The following TTC17 variants were observed in gnomAD, a reference collection of about 807,000 sequenced individuals.
TTC17 encodes the protein tetratricopeptide repeat domain 17.
In TTC17, 58 loss-of-function variants were observed where a neutral mutation model predicts 143.8. The ratio of observed to expected loss-of-function variants is 0.40; its 90% CI spans 0.33 to 0.50. The LOEUF (loss-of-function observed/expected upper bound fraction) is 0.50, where lower values mean the gene tolerates loss of function less well. Among genes scored for constraint, TTC17 ranks in the 20% least tolerant of loss-of-function variants. The pLI is 0.49. For missense variants in TTC17, 1,273 were observed against 1,392.5 expected (o/e 0.91, Z 1.37); for synonymous variants, 501 against 497.8 (o/e 1.01, Z -0.09).
At chr11:43,397,901 CGTGTGTGTGTGTGTGTGTGTGTGTGTGT>C (rs368934799) in intron 7 of TTC17, 45 bp from the exon 8 acceptor site, 109,332 of 1,253,432 alleles carry the variant, frequency 0.087, 3,258 homozygotes, top group Middle Eastern at 0.11. Context: ...TTTTTTTTTC[CGTGTGTGTGTGTGTGTGTGTGTGTGTGT>C]GTGTGTGTGT....
intron 2 of TTC17, among the ~76,000 whole-genome samples, chr11:43,388,205 A>G (rs1296246622): frequency 2.0e-5 from 3 of 152,194 alleles, no homozygotes; most frequent in African/African-American, 7.2e-5. Flanking sequence ...AAATGGATAA[A>G]TACATATTTA....
chr11:43,460,515 A>G (rs1046592960), intron 21 of TTC17, among the ~76,000 whole-genome samples: 1 of 152,186 alleles, frequency 6.6e-6, no homozygotes, highest in African/African-American at 2.4e-5. Context: ...CTAGTGCTAC[A>G]TGTCTTAAGT....
intron 11 of TTC17, 123 bp downstream of exon 11, chr11:43,404,267 T>A: frequency 1.1e-6 from 1 of 878,918 alleles, no homozygotes; most frequent in Non-Finnish European, 1.6e-6. Flanking sequence ...AGCAAACGTG[T>A]AGTACATTTC....
intron 21 of TTC17, among the ~76,000 whole-genome samples, chr11:43,475,849 T>G (rs1948175176): frequency 6.6e-6 from 1 of 152,220 alleles, no homozygotes; most frequent in Non-Finnish European, 1.5e-5. Context: ...TCTTCTGAGA[T>G]TCTAAGTGTA....
chr11:43,387,504 C>G (rs1286262567), intron 2 of TTC17, among the ~76,000 whole-genome samples: 1 of 151,494 alleles, frequency 6.6e-6, no homozygotes, highest in Non-Finnish European at 1.5e-5. Context: ...GGCTCTGTCC[C>G]CATTAATAAT....
Position 43,438,853 on chromosome 11 carries a change from C to T in TTC17, c.2252-4472C>T, listed in dbSNP as rs574097628. Among the ~76,000 whole-genome samples the T allele has an allele frequency of 3.9e-5, 6 of 152,354 alleles. No homozygotes were observed. The South Asian group carries it at 1.0e-3, about 26-fold the overall frequency. ...CTGTTAATTGGCTTCTGATATTCCACTCCCTCTCAATAGTGTCCTCTGCAG... is the reference window on the plus strand; with the variant it reads ...CTGTTAATTGGCTTCTGATATTCCATTCCCTCTCAATAGTGTCCTCTGCAG... On this transcript the variant is annotated intron_variant, in intron 16 of 23. Coordinates refer to ENST00000039989, the MANE Select transcript of TTC17 (RefSeq NM_018259.6).
chr11:43,366,134 A>AT (rs1189096988), intron 1 of TTC17, among the ~76,000 whole-genome samples: 2 of 151,784 alleles, frequency 1.3e-5, no homozygotes, highest in African/African-American at 4.8e-5. Context: ...CACGTCAGAA[A>AT]TCTAGTTGTC....
intron 15 of TTC17, among the ~76,000 whole-genome samples, chr11:43,407,948 A>C (rs572365478): frequency 6.6e-6 from 1 of 152,302 alleles, no homozygotes; most frequent in Admixed American, 6.5e-5. Flanking sequence ...TACAACTTTA[A>C]TTTATAGAAA....
intron 3 of TTC17, among the ~76,000 whole-genome samples, chr11:43,391,111 A>G (rs143204622): frequency 2.0e-5 from 3 of 148,786 alleles, no homozygotes; most frequent in African/African-American, 4.8e-5. Flanking sequence ...TTCTTAAAGT[A>G]TTATTGACTG....
chr11:43,406,547 C>T (rs1351505204), intron 13 of TTC17, among the ~76,000 whole-genome samples: 1 of 150,330 alleles, frequency 6.7e-6, no homozygotes, highest in African/African-American at 2.4e-5. Context: ...TTTTAGCAAT[C>T]ACAGACCATC....
At chr11:43,488,615 A>G (rs1948419385) in intron 21 of TTC17, among the ~76,000 whole-genome samples, 1 of 152,164 alleles carries the variant, frequency 6.6e-6, no homozygotes, top group African/African-American at 2.4e-5. Context: ...TTTACAGCAG[A>G]TTAAATTTCA....
At position 43,407,479 on chromosome 11, in the gene TTC17, G is replaced by C; in HGVS notation, c.1966G>C (p.Val656Leu). ...LNLAPLQYQD[V>L]PLVNLANLLI... is the part of the protein sequence containing the mutation. ...TTTAGCTCCACTTCAATACCAAGAT[G>C]TTCCTCTTGTCAACTTGGCCAACCT... The change falls in exon 15 of 24, where the codon GTT becomes CTT. Residue 656 changes from valine (V) to leucine (L), a missense_variant. Val to Leu is a conservative substitution (Grantham distance 32). Around this residue, in one of 3 missense-constraint regions of TTC17, gnomAD observed 878 missense variants for 899.8 expected, o/e 0.98. Transcript: ENST00000039989. 1 of 1,614,012 alleles carries C rather than the reference G, an allele frequency of 6.2e-7. No homozygotes were observed. Among genetic ancestry groups the C allele is most frequent in the Non-Finnish European group, 8.5e-7 (1 of 1,179,988 alleles).
chr11:43,412,320 C>CA (rs886991461), intron 15 of TTC17, among the ~76,000 whole-genome samples: 3 of 151,426 alleles, frequency 2.0e-5, no homozygotes, highest in Non-Finnish European at 4.4e-5. Context: ...CCACTCTCTA[C>CA]AAAAAAAGTC....
rs1316665319 is a variant in TTC17, at chr11:43,412,330, C to A, written c.2065-2260C>A. Among the ~76,000 whole-genome samples, 4 of 150,998 alleles carry A rather than the reference C, an allele frequency of 2.6e-5. No individual in the cohort carries two copies. In the East Asian group the frequency reaches 7.8e-4, roughly 29 times the overall value. On this transcript the variant is annotated intron_variant, in intron 15 of 23. Transcript: ENST00000039989. ...GAGATCCACTCTCTACAAAAAAAGT[C>A]AAAAAAAATTAGCCAAGTGTGGTGG...
chr11:43,462,640 A>G (rs1947889822), intron 21 of TTC17, among the ~76,000 whole-genome samples: 1 of 152,226 alleles, frequency 6.6e-6, no homozygotes, highest in Admixed American at 6.5e-5. Context: ...ACCACCAAGT[A>G]TGTGTTAATT....
At chr11:43,401,259 G>C (rs990216563) in intron 9 of TTC17, among the ~76,000 whole-genome samples, 187 bp from the exon 10 acceptor site, 2 of 152,124 alleles carry the variant, frequency 1.3e-5, no homozygotes. Context: ...TGGAAAAACT[G>C]GGACTTCTTA....
chr11:43,457,800 G>A (rs1414596792), intron 21 of TTC17, among the ~76,000 whole-genome samples: 2 of 151,876 alleles, frequency 1.3e-5, no homozygotes, highest in Non-Finnish European at 2.9e-5. Context: ...ATTGATAAGA[G>A]CATAAGAAAC....
chr11:43,451,075 G>C, intron 20 of TTC17, 107 bp from the exon 21 acceptor site: 1 of 1,038,752 alleles, frequency 9.6e-7, no homozygotes, highest in South Asian at 1.6e-5. Context: ...ATGTATCCCA[G>C]AAAAACAGTT....
chr11:43,364,875 G>A (rs970124972), intron 1 of TTC17, among the ~76,000 whole-genome samples: 2 of 151,880 alleles, frequency 1.3e-5, no homozygotes, highest in Non-Finnish European at 2.9e-5. Context: ...GCGTGATCTC[G>A]GCTCACCTCA....
Sources: allele counts gnomAD v4.1 joint callset (sites outside exome capture counted in the v4.1 genomes callset), GRCh38; gene constraint gnomAD v4.1.1; regional missense constraint gnomAD v4.1.1; transcripts MANE v1.5; gene names NCBI Gene and HGNC (gene_info 2026-07-23, HGNC 2026-07-21).